INPP4A: variants seen among roughly 807,000 people sequenced by gnomAD.
The protein encoded by INPP4A is inositol polyphosphate-4-phosphatase, type I, 107kD.
INPP4A carries 33 observed loss-of-function variants against 119.8 expected under a neutral mutation model. The observed-to-expected ratio is 0.28, with a 90% CI of 0.21 to 0.37. The LOEUF is 0.37. Among genes scored for constraint, INPP4A ranks in the 10% least tolerant of loss-of-function variants. INPP4A has a pLI of 1.00. For synonymous variants in INPP4A, 496 were observed against 500.7 expected (o/e 0.99, Z 0.12); for missense variants, 956 against 1,289.9 (o/e 0.74, Z 3.97).
intron 1 of INPP4A, among the ~76,000 whole-genome samples, chr2:98,457,054 A>C (rs1370848314): frequency 6.6e-6 from 1 of 152,126 alleles, no homozygotes; most frequent in Admixed American, 6.5e-5. Flanking sequence ...CATGGTAAGG[A>C]GCATTCAGGT....
At chr2:98,544,962 G>A (rs1380021895) in intron 11 of INPP4A, among the ~76,000 whole-genome samples, 1 of 152,216 alleles carries the variant, frequency 6.6e-6, no homozygotes, top group East Asian at 1.9e-4. Context: ...CCTCTTACCT[G>A]GGAAAGTGTG....
chr2:98,464,480 A>G (rs1056919773), intron 1 of INPP4A, among the ~76,000 whole-genome samples: 6 of 152,210 alleles, frequency 3.9e-5, no homozygotes, highest in Non-Finnish European at 8.8e-5. Flanking sequence ...ACCTCTTTGC[A>G]TGAGTCAAGC....
At chr2:98,559,135 G>A (rs887534363) in intron 16 of INPP4A, among the ~76,000 whole-genome samples, 4 of 152,202 alleles carry the variant, frequency 2.6e-5, no homozygotes, top group African/African-American at 7.2e-5. Flanking sequence ...ATTTATGTGG[G>A]TGCTTTTTTC....
chr2:98,567,101 A>G (rs1392330221), intron 21 of INPP4A, among the ~76,000 whole-genome samples: 2 of 152,152 alleles, frequency 1.3e-5, no homozygotes, highest in African/African-American at 4.8e-5. Context: ...AATCAGATTT[A>G]CATTTAAAGT....
intron 1 of INPP4A, among the ~76,000 whole-genome samples, chr2:98,467,370 A>C (rs1454593722): frequency 6.6e-6 from 1 of 152,236 alleles, no homozygotes; most frequent in Non-Finnish European, 1.5e-5. Flanking sequence ...CCTGTGCCAC[A>C]CTTGCCCCTC....
chr2:98,580,187 A>G (rs1047670796), intron 24 of INPP4A, among the ~76,000 whole-genome samples: 1 of 151,052 alleles, frequency 6.6e-6, no homozygotes, highest in African/African-American at 2.4e-5. Flanking sequence ...GTGCAGGAGG[A>G]CATTTTGGTT....
At chr2:98,490,564 C>T (rs930736302) in intron 1 of INPP4A, among the ~76,000 whole-genome samples, 6 of 152,194 alleles carry the variant, frequency 3.9e-5, no homozygotes, top group African/African-American at 1.4e-4. Flanking sequence ...TTTGACACTT[C>T]ACTGGTTCAT....
At chr2:98,492,531 A>G (rs1681039325) in intron 1 of INPP4A, among the ~76,000 whole-genome samples, 1 of 152,214 alleles carries the variant, frequency 6.6e-6, no homozygotes. Flanking sequence ...TCTTACTCAT[A>G]GAATCGATCC....
intron 24 of INPP4A, among the ~76,000 whole-genome samples, chr2:98,582,783 A>T (rs1255991393): frequency 6.6e-6 from 1 of 152,086 alleles, no homozygotes; most frequent in Non-Finnish European, 1.5e-5. Context: ...CACCAGACAG[A>T]AAGATAACCT....
chr2:98,523,681 A>T (rs1252435303), intron 4 of INPP4A, among the ~76,000 whole-genome samples: 2 of 152,238 alleles, frequency 1.3e-5, no homozygotes, highest in Non-Finnish European at 2.9e-5. Context: ...GGCGTGAGCC[A>T]CCGCGCCTGG....
chr2:98,570,619 A>C lies in INPP4A; in HGVS notation c.2518+1951A>C, dbSNP rs1054899873. Reference sequence around the variant, plus strand: ...ACCCTGGAGCTGCAGGGGCCATGGGAGTGCTCAAAGGTCCGAGGGAAGGAG... The same window carrying C: ...ACCCTGGAGCTGCAGGGGCCATGGGCGTGCTCAAAGGTCCGAGGGAAGGAG... On this transcript the variant is annotated intron_variant, in intron 22 of 24. Coordinates refer to ENST00000409851, the MANE Select transcript of INPP4A (RefSeq NM_001134225.2). The surrounding 1 kb of genome is among the most constrained non-coding windows in gnomAD (Gnocchi z 4.3). Among the ~76,000 whole-genome samples the C allele has an allele frequency of 1.3e-5, 2 of 152,086 alleles. No individual in the cohort carries two copies. Among genetic ancestry groups the C allele is most frequent in the African/African-American group, 4.8e-5 (2 of 41,398 alleles).
In INPP4A at chr2:98,456,907, G is replaced by C. The variant is rs141792351; in HGVS notation, c.-166+11822G>C. 5.2e-3 allele frequency among the ~76,000 whole-genome samples: 792 copies of C among 152,294 alleles called. 12 individuals are homozygous for C. The highest frequency in any genetic ancestry group is 0.018 in the African/African-American group (736 of 41,558). ...TTAGTCTAATGTCTTTACCAAGCTA[G>C]ATATTAATATCTTTTGTCAAAGAGA... is the stretch of plus-strand genomic sequence containing the variant. On this transcript the variant is annotated intron_variant, in intron 1 of 24. Transcript: ENST00000409851.
chr2:98,465,942 C>T (rs1248906066), intron 1 of INPP4A, among the ~76,000 whole-genome samples: 1 of 152,096 alleles, frequency 6.6e-6, no homozygotes, highest in Non-Finnish European at 1.5e-5. Flanking sequence ...GCCCTGCCCA[C>T]CTTGCTCAGT....
chr2:98,526,051 C>T (rs1469958847), intron 4 of INPP4A, among the ~76,000 whole-genome samples: 1 of 152,006 alleles, frequency 6.6e-6, no homozygotes, highest in African/African-American at 2.4e-5. Flanking sequence ...GAAAACAACC[C>T]AAATGTCTAT....
At chr2:98,538,024 A>G in intron 8 of INPP4A, 50 bp downstream of exon 8, 1 of 1,250,168 alleles carries the variant, frequency 8.0e-7, no homozygotes, top group Non-Finnish European at 1.1e-6. Context: ...AAGGGAATTA[A>G]TCAGTAAAAA....
chr2:98,514,027 G>C (rs946326458), intron 1 of INPP4A, among the ~76,000 whole-genome samples: 1 of 152,172 alleles, frequency 6.6e-6, no homozygotes, highest in Non-Finnish European at 1.5e-5. Context: ...GTTTCCATCT[G>C]GCCCTAGGGG....
rs1245609492 is a variant in INPP4A at position 98,546,405 on chromosome 2, A to G, written c.1055-181A>G. Among the ~76,000 whole-genome samples the G allele has an allele frequency of 1.3e-5, 2 of 152,086 alleles. No individual in the cohort carries two copies. The highest frequency in any genetic ancestry group is 2.9e-5 in the Non-Finnish European group (2 of 68,012). On this transcript the variant is annotated intron_variant, in intron 12 of 24. Transcript: ENST00000409851. This position sits in a 1 kb window ranked among gnomAD's most constrained non-coding sequence, Gnocchi z 4.2. ...AAATGTTTTAAACCCCTTGTTGCTG[A>G]GGTGATGGCACTGGGCTCCAGCAGA...
At position 98,590,297 on chromosome 2, in the gene INPP4A, A is replaced by AT. The variant is rs1243671445; in HGVS notation, c.*2693dup. The AT allele has an allele frequency of 5.1e-6, 1 of 195,036 alleles. No homozygotes were observed. The highest frequency in any genetic ancestry group is 8.0e-5 in the East Asian group (1 of 12,468). 12.1% of individuals were successfully genotyped at this position (195,036 alleles called of 1,614,324 possible). A position where few individuals can be genotyped will look rare whatever the true frequency, so the allele number is the denominator to read the frequency against. On this transcript the variant is annotated 3_prime_UTR_variant, in exon 25 of 25. Coordinates refer to ENST00000409851, the MANE Select transcript of INPP4A (RefSeq NM_001134225.2). Reference sequence around the variant, plus strand: ...AAACATGGGACCATGGGAGACTTCCATTTTATAAGCTTGTTTCTGCCTAAT... The same window carrying AT: ...AAACATGGGACCATGGGAGACTTCCATTTTTATAAGCTTGTTTCTGCCTAAT...
rs1700447132 is a variant in INPP4A at position 98,592,473 on chromosome 2, T to C, written c.*4865T>C. 2 of 152,302 alleles carry C rather than the reference T, an allele frequency of 1.3e-5. No homozygotes were observed. The highest frequency in any genetic ancestry group is 2.9e-5 in the Non-Finnish European group (2 of 68,028). 9.4% of individuals were successfully genotyped at this position (152,302 alleles called of 1,614,324 possible). A position where few individuals can be genotyped will look rare whatever the true frequency, so the allele number is the denominator to read the frequency against. On this transcript the variant is annotated 3_prime_UTR_variant, in exon 25 of 25. Transcript: ENST00000409851. ...GGGATCCATGATGGTTTTTACACTT[T>C]TAAAAGTGCCCTCTTCTCAGAGACC...
Sources: gnomAD v4.1 joint callset for allele counts (sites outside exome capture counted in the v4.1 genomes callset) on GRCh38, gnomAD v4.1.1 for gene constraint, Gnocchi (gnomAD v3.1) non-coding constraint, MANE v1.5 for transcripts, NCBI Gene and HGNC (gene_info 2026-07-23, HGNC 2026-07-21) for gene names.